The following POF1B variants were observed in gnomAD, a reference collection of about 807,000 sequenced individuals.
The protein encoded by POF1B is POF1B actin binding protein.
POF1B carries 53 observed loss-of-function variants against 55.3 expected under a neutral mutation model. The ratio of observed to expected loss-of-function variants is 0.96; its 90% CI spans 0.77 to 1.20. The LOEUF is 1.20. Ranked by LOEUF, POF1B falls within the 50% of genes most tolerant of loss-of-function variation. POF1B has a pLI of 0.00. For missense variants in POF1B, 478 were observed against 420.5 expected, an observed-to-expected ratio of 1.14 and a Z score of -1.20; for synonymous variants, 188 against 148.3, an observed-to-expected ratio of 1.27 and a Z score of -1.95.
chrX:85,361,914 A>G (rs943862282), intron 3 of POF1B, among the ~76,000 whole-genome samples: 7 of 109,421 alleles, frequency 6.4e-5, no homozygotes, highest in Non-Finnish European at 1.3e-4. Flanking sequence ...CTCATTGTAG[A>G]GATCTTTCAC....
At chrX:85,377,981 CATT>C (rs1322095274) in intron 2 of POF1B, among the ~76,000 whole-genome samples, 2 of 111,969 alleles carry the variant, frequency 1.8e-5, no homozygotes. Flanking sequence ...ATCTGCACAT[CATT>C]GTTTTTGAGC....
intron 3 of POF1B, among the ~76,000 whole-genome samples, chrX:85,366,438 A>T (rs1933724386): frequency 8.9e-6 from 1 of 111,767 alleles, no homozygotes; most frequent in African/African-American, 3.3e-5. Context: ...ATCATGAGTG[A>T]TTTTTGTTTT....
intron 6 of POF1B, among the ~76,000 whole-genome samples, chrX:85,345,642 C>G (rs1347401715): frequency 9.0e-6 from 1 of 111,257 alleles, no homozygotes; most frequent in East Asian, 2.8e-4. Flanking sequence ...CAGTTCATAA[C>G]TAACCTCATA....
rs374060171 is a variant in POF1B, at chrX:85,374,318, C to A, written c.282+4855G>T. On this transcript the variant is annotated intron_variant, in intron 2 of 16. Transcript: ENST00000262753. ...TTCTCTGCAATTGGTCTTTAGACTG[C>A]AAAATCTGAACCTCTTCAGTCAAGA... Among the ~76,000 whole-genome samples the A allele has an allele frequency of 2.6e-4, 29 of 111,241 alleles. No individual in the cohort carries two copies. In the East Asian group the frequency reaches 4.6e-3, roughly 18 times the overall value.
At chrX:85,310,999 T>G (rs185947181) in intron 9 of POF1B, among the ~76,000 whole-genome samples, 33 of 111,621 alleles carry the variant, frequency 3.0e-4, no homozygotes, top group African/African-American at 8.8e-4. Flanking sequence ...AATTATCCTT[T>G]AGGAATGGAG....
chrX:85,352,238 A>C (rs1933405658), intron 4 of POF1B, among the ~76,000 whole-genome samples: 1 of 111,223 alleles, frequency 9.0e-6, no homozygotes, highest in South Asian at 3.7e-4. Flanking sequence ...TTTCATTTGA[A>C]GTCTACTTGG....
intron 2 of POF1B, among the ~76,000 whole-genome samples, chrX:85,377,063 G>A (rs1466088155): frequency 1.8e-5 from 2 of 111,871 alleles, no homozygotes; most frequent in African/African-American, 6.5e-5. Flanking sequence ...TAGGCTAATT[G>A]CTACACATCA....
intron 4 of POF1B, 69 bp downstream of exon 4, chrX:85,359,481 T>G (rs1933564273): frequency 2.6e-6 from 2 of 775,042 alleles, no homozygotes; most frequent in Non-Finnish European, 3.9e-6. Flanking sequence ...ATCTGGTAAC[T>G]GATTAAGCCT....
At chrX:85,331,226 G>C in intron 6 of POF1B, 147 bp from the exon 7 acceptor site, 3 of 559,499 alleles carry the variant, frequency 5.4e-6, no homozygotes, top group Non-Finnish European at 7.8e-6. Context: ...TTTAATGTGG[G>C]AGAAATTTAA....
intron 5 of POF1B, among the ~76,000 whole-genome samples, chrX:85,349,315 G>A (rs1221792178): frequency 9.0e-6 from 1 of 111,127 alleles, no homozygotes; most frequent in East Asian, 2.9e-4. Context: ...AGTTCAAAAA[G>A]GAAAAGCTAG....
chrX:85,319,657 T>C (rs1402986153), intron 7 of POF1B, among the ~76,000 whole-genome samples: 1 of 111,678 alleles, frequency 9.0e-6, no homozygotes, highest in Non-Finnish European at 1.9e-5. Context: ...TCTGTACATA[T>C]GGTAAGTAGC....
intron 15 of POF1B, among the ~76,000 whole-genome samples, chrX:85,286,840 T>C (rs112639500): frequency 0.032 from 3,556 of 111,026 alleles, 139 homozygotes; most frequent in African/African-American, 0.11. Context: ...ATGAAGCAAA[T>C]ACTGATAGAA....
intron 15 of POF1B, among the ~76,000 whole-genome samples, chrX:85,292,718 T>C (rs902902310): frequency 1.8e-5 from 2 of 111,191 alleles, no homozygotes; most frequent in Admixed American, 1.9e-4. Flanking sequence ...CAAAGGAAAC[T>C]GTCAACAGAG....
intron 9 of POF1B, among the ~76,000 whole-genome samples, chrX:85,313,917 GC>G (rs1932759200): frequency 2.7e-5 from 3 of 110,623 alleles, no homozygotes; most frequent in Non-Finnish European, 5.7e-5. Context: ...TCCTGGTTTA[GC>G]CTTGGGAGGG....
intron 15 of POF1B, among the ~76,000 whole-genome samples, chrX:85,292,682 T>C (rs1932218281): frequency 9.0e-6 from 1 of 111,330 alleles, no homozygotes. Context: ...AGGGTGTATG[T>C]GTCCAGGAAT....
intron 9 of POF1B, among the ~76,000 whole-genome samples, chrX:85,313,247 T>C (rs1450736901): frequency 1.8e-5 from 2 of 111,986 alleles, no homozygotes; most frequent in South Asian, 7.5e-4. Context: ...CATCCTTGTC[T>C]TGTGCCGGTT....
chrX:85,326,469 C>G (rs1309443314), intron 7 of POF1B, among the ~76,000 whole-genome samples: 1 of 110,162 alleles, frequency 9.1e-6, no homozygotes, highest in Admixed American at 9.6e-5. Flanking sequence ...ACACAGGCAG[C>G]AGTGTCAGTG....
At position 85,367,724 on chromosome X, in the gene POF1B, T is replaced by G. The variant is rs764400863; in HGVS notation, c.325A>C (p.Ser109Arg). The change falls in exon 3 of 17, where the codon AGT (serine) becomes CGT (arginine). Residue 109 changes from serine to arginine, a missense_variant. Physicochemically the swap from Ser to Arg is moderately radical, Grantham distance 110. Coordinates refer to ENST00000262753, the MANE Select transcript of POF1B (RefSeq NM_024921.4). ...GTATTTTGGGTTATATGTAGAGTACTTGGGGCACATGTAGATATTTTTAAA... is the reference window on the plus strand; with the variant it reads ...GTATTTTGGGTTATATGTAGAGTACGTGGGGCACATGTAGATATTTTTAAA... ...PTLKISTCAP[S>R]TLHITQNTEQ... 2.7e-5 allele frequency: 32 copies of G among 1,167,804 alleles called. No individual in the cohort carries two copies. The East Asian group carries it at 9.6e-4, about 35-fold the overall frequency.
At chrX:85,315,244 C>T (rs1282765734) in intron 8 of POF1B, among the ~76,000 whole-genome samples, 1 of 111,341 alleles carries the variant, frequency 9.0e-6, no homozygotes, top group Non-Finnish European at 1.9e-5. Flanking sequence ...TAGATTAATA[C>T]TTGAAAATAT....
Sources: allele counts gnomAD v4.1 joint callset (sites outside exome capture counted in the v4.1 genomes callset), GRCh38; gene constraint gnomAD v4.1.1; transcripts MANE v1.5; gene names NCBI Gene and HGNC (gene_info 2026-07-23, HGNC 2026-07-21).